The following PKD1 variants were observed in gnomAD, a reference collection of about 807,000 sequenced individuals.
PKD1 encodes polycystin-1.
In PKD1, 81 loss-of-function variants were observed where a neutral mutation model predicts 361.7. The observed-to-expected ratio is 0.22, with a 90% CI of 0.19 to 0.27. The LOEUF (loss-of-function observed/expected upper bound fraction) is 0.27, where lower values mean the gene tolerates loss of function less well. Among genes scored for constraint, PKD1 ranks in the 10% least tolerant of loss-of-function variants. PKD1 has a pLI of 1.00. For synonymous variants in PKD1, 3,615 were observed against 2,818.3 expected, an observed-to-expected ratio of 1.28 and a Z score of -8.95; for missense variants, 6,399 against 6,118.3, an observed-to-expected ratio of 1.05 and a Z score of -1.53.
At chr16:2,130,195 G>C (rs529835563) in intron 1 of PKD1, among the ~76,000 whole-genome samples, 1 of 152,338 alleles carries the variant, frequency 6.6e-6, no homozygotes, top group African/African-American at 2.4e-5. Context: ...CGTAAGACCC[G>C]GCTCAGGGAC....
chr16:2,095,622 G>A (rs1372894982), intron 34 of PKD1, among the ~76,000 whole-genome samples: 1 of 152,200 alleles, frequency 6.6e-6, no homozygotes, highest in Non-Finnish European at 1.5e-5. Flanking sequence ...GCTCTGCGTT[G>A]GGAAAGGAGC....
chr16:2,097,057 C>CCCCCAA, intron 34 of PKD1, 91 bp downstream of exon 34: 2 of 743,330 alleles, frequency 2.7e-6, no homozygotes, highest in Non-Finnish European at 4.6e-6. Flanking sequence ...CACCCCACCC[C>CCCCCAA]ACCCTACCCC....
In PKD1 at chr16:2,100,337, C is replaced by T. The variant is rs775809977; in HGVS notation, c.9569-28G>A. On this transcript the variant is annotated intron_variant, in intron 27 of 45. Coordinates refer to ENST00000262304, the MANE Select transcript of PKD1 (RefSeq NM_001009944.3). The surrounding 1 kb of genome is among the most constrained non-coding windows in gnomAD (Gnocchi z 4.4). ...GCAGAGGCGCAGGAGGGAGGTCAGG[C>T]TCGCAGGGCGCCCCAATGCGGGGGC... The T allele has an allele frequency of 5.0e-6, 8 of 1,610,394 alleles. No individual in the cohort carries two copies. The highest frequency in any genetic ancestry group is 1.3e-5 in the African/African-American group (1 of 74,716).
At position 2,093,049 on chromosome 16, in the gene PKD1, G is replaced by C. The variant is rs1412584667; in HGVS notation, c.11061C>G (p.Ala3687=). 1 of 1,612,858 alleles carries C rather than the reference G, an allele frequency of 6.2e-7. No individual in the cohort carries two copies. The highest frequency in any genetic ancestry group is 2.2e-5 in the East Asian group (1 of 44,884). Residue 3687 remains alanine (A), a synonymous_variant, in exon 38 of 46, where the codon GCC becomes GCG. Coordinates refer to ENST00000262304, the MANE Select transcript of PKD1 (RefSeq NM_001009944.3). Reference sequence around the variant, plus strand: ...CATGGCATGAGGCATCCCCATAGCTGGCCAGCAGGGTCACCAGCAGAAAAA... The same window carrying C: ...CATGGCATGAGGCATCCCCATAGCTCGCCAGCAGGGTCACCAGCAGAAAAA... ...YMLFLLVTLL[A]SYGDASCHGH...
chr16:2,112,725 G>C (rs1248331669), intron 13 of PKD1, 63 bp downstream of exon 13: 6 of 1,542,290 alleles, frequency 3.9e-6, no homozygotes, highest in Non-Finnish European at 4.4e-6. Flanking sequence ...GGGTCCCTCG[G>C]CTGAGGCTGG....
chr16:2,126,853 G>A (rs1387209403), intron 1 of PKD1, among the ~76,000 whole-genome samples: 1 of 152,198 alleles, frequency 6.6e-6, no homozygotes, highest in African/African-American at 2.4e-5. Context: ...GGGGAGCGAG[G>A]GCAGTGGCAG....
rs1450062463 is a variant in PKD1 at position 2,117,894 on chromosome 16, C to G, written c.1098G>C (p.Ser366=). The G allele has an allele frequency of 5.9e-6, 7 of 1,177,086 alleles. No individual in the cohort carries two copies. Among genetic ancestry groups the G allele is most frequent in the Non-Finnish European group, 8.5e-6 (7 of 820,802 alleles). The allele number at this position is 1,177,086 out of a possible 1,614,324, so 72.9% of individuals were successfully genotyped here. A position where few individuals can be genotyped will look rare whatever the true frequency, so the allele number is the denominator to read the frequency against. The change falls in exon 5 of 46, where the codon TCG becomes TCC. Residue 366 remains serine, a synonymous_variant. Coordinates refer to ENST00000262304, the MANE Select transcript of PKD1 (RefSeq NM_001009944.3). ...PAALELVCPS[S]VQSDESLDLS... ...GGTCGAGGCTCTCGTCACTCTGCAC[C>G]GAGGACGGGCACACGAGCTCCAGGG...
chr16:2,100,231 T>C lies in PKD1; in HGVS notation c.9647A>G (p.Asn3216Ser). The C allele has an allele frequency of 5.0e-6, 8 of 1,610,548 alleles. No homozygotes were observed. The highest frequency in any genetic ancestry group is 2.2e-5 in the South Asian group (2 of 90,988). ...CTCCGTCTCCACCGAAAGCCAGTCA[T>C]TGACCAGGAAGAAGGCGCTGCGTGC... The part of the protein sequence containing the change: ...QTARSAFFLV[N>S]DWLSVETEAN... Residue 3216 changes from asparagine (N) to serine (S), a missense_variant, in exon 28 of 46, where the codon AAT becomes AGT. Physicochemically the swap from Asn to Ser is conservative, Grantham distance 46. Coordinates refer to ENST00000262304, the MANE Select transcript of PKD1 (RefSeq NM_001009944.3). This position sits in a 1 kb window ranked among gnomAD's most constrained non-coding sequence, Gnocchi z 4.4.
rs548937250 is a variant in PKD1, at chr16:2,100,937, G to A, written c.9398-371C>T. 1.8e-4 allele frequency among the ~76,000 whole-genome samples: 28 copies of A among 152,168 alleles called. No homozygotes were observed. Among genetic ancestry groups the A allele is most frequent in the Non-Finnish European group, 5.9e-5 (4 of 68,018 alleles). ...TCAGTTCATGCACAGACTGCAAAGC[G>A]TGAAGCTGTGTCACCTCCTCTCCCA... On this transcript the variant is annotated intron_variant, in intron 26 of 45. Transcript: ENST00000262304. The surrounding 1 kb of genome is among the most constrained non-coding windows in gnomAD (Gnocchi z 4.4).
Position 2,090,106 on chromosome 16 carries a change from G to A in PKD1, c.12533C>T (p.Pro4178Leu), listed in dbSNP as rs764283057. 1.2e-6 allele frequency: 2 copies of A among 1,604,432 alleles called. No individual in the cohort carries two copies. Among genetic ancestry groups the A allele is most frequent in the Admixed American group, 3.3e-5 (2 of 59,824 alleles). The change falls in exon 46 of 46, where the codon CCC becomes CTC. Residue 4178 changes from proline (P) to leucine (L), a missense_variant. Coordinates refer to ENST00000262304, the MANE Select transcript of PKD1 (RefSeq NM_001009944.3). The stretch of plus-strand genomic sequence containing the variant: ...GTGCGAGGCATCGGAGCCAGCGCTG[G>A]GTGGGGGCACATCCGGGGATACCTT... The part of the protein sequence containing the change: ...GSKVSPDVPP[P>L]SAGSDASHPS...
chr16:2,106,056 C>T lies in PKD1; in HGVS notation c.7704-32G>A, dbSNP rs767042053. ...GCAGAGGGGGGTGGTGAGCAGGTGG[C>T]AGTCTCGGGGGCGCCCTCCCACGGC... is the stretch of plus-strand genomic sequence containing the variant. On this transcript the variant is annotated intron_variant, in intron 19 of 45. Coordinates refer to ENST00000262304, the MANE Select transcript of PKD1 (RefSeq NM_001009944.3). This position sits in a 1 kb window ranked among gnomAD's most constrained non-coding sequence, Gnocchi z 6.5. 6.2e-7 allele frequency: 1 copy of T among 1,606,654 alleles called. No individual in the cohort carries two copies. Among genetic ancestry groups the T allele is most frequent in the Non-Finnish European group, 8.5e-7 (1 of 1,178,066 alleles).
Position 2,118,956 on chromosome 16 carries a change from C to G in PKD1, c.360-111G>C. ...ACCCTGACAGCACCGCCTCCCCTGC[C>G]CCAACCAAGCCGGCACTGGGGGGCT... On this transcript the variant is annotated intron_variant, in intron 3 of 45. Coordinates refer to ENST00000262304, the MANE Select transcript of PKD1 (RefSeq NM_001009944.3). This position sits in a 1 kb window ranked among gnomAD's most constrained non-coding sequence, Gnocchi z 6.0. 1 of 767,114 alleles carries G rather than the reference C, an allele frequency of 1.3e-6. No homozygotes were observed. Among genetic ancestry groups the G allele is most frequent in the Non-Finnish European group, 2.2e-6 (1 of 457,996 alleles). The allele number at this position is 767,114 out of a possible 1,614,324, so 47.5% of individuals were successfully genotyped here.
chr16:2,134,683 C>T (rs1282626495), intron 1 of PKD1, among the ~76,000 whole-genome samples: 2 of 150,236 alleles, frequency 1.3e-5, no homozygotes, highest in South Asian at 2.1e-4. Flanking sequence ...CAAATCTCCA[C>T]GGTCCCTATG....
At chr16:2,093,162 G>T in intron 37 of PKD1, 69 bp from the exon 38 acceptor site, 1 of 1,579,362 alleles carries the variant, frequency 6.3e-7, no homozygotes. Context: ...TTTGGCAACG[G>T]CTGGAGCCAT....
rs940840665 is a variant in PKD1, at chr16:2,118,611, G to A, written c.529+65C>T. The A allele has an allele frequency of 2.5e-6, 2 of 813,390 alleles. No homozygotes were observed. The highest frequency in any genetic ancestry group is 4.0e-5 in the Admixed American group (2 of 50,060). The allele number at this position is 813,390 out of a possible 1,614,324, so 50.4% of individuals were successfully genotyped here. A position where few individuals can be genotyped will look rare whatever the true frequency, so the allele number is the denominator to read the frequency against. ...GAGGCCTTCCTGAGCCCTGCCCAGTGTCTGCAGGGCCCAGGTCCCACCTGG... is the reference window on the plus strand; with the variant it reads ...GAGGCCTTCCTGAGCCCTGCCCAGTATCTGCAGGGCCCAGGTCCCACCTGG... On this transcript the variant is annotated intron_variant, in intron 4 of 45. Transcript: ENST00000262304. The surrounding 1 kb of genome is among the most constrained non-coding windows in gnomAD (Gnocchi z 6.0).
chr16:2,103,338 C>T lies in PKD1; in HGVS notation c.8719G>A (p.Ala2907Thr). ...VVVQPQASVG[A>T]VVTLDSSNPA... Reference sequence around the variant, plus strand: ...TTGCTGCTGTCCAGGGTGACCACAGCACCGACGGAGGCCTGGGGCTGGACC... The same window carrying T: ...TTGCTGCTGTCCAGGGTGACCACAGTACCGACGGAGGCCTGGGGCTGGACC... Residue 2907 changes from alanine (A) to threonine (T), a missense_variant, in exon 23 of 46, where the codon GCT (alanine) becomes ACT (threonine). By Grantham distance (58) the Ala-to-Thr change is moderately conservative. Transcript: ENST00000262304. 6.2e-7 allele frequency: 1 copy of T among 1,606,452 alleles called. No homozygotes were observed. The highest frequency in any genetic ancestry group is 1.1e-5 in the South Asian group (1 of 90,976).
Position 2,103,737 on chromosome 16 carries a change from G to C in PKD1, c.8320C>G (p.Leu2774Val). Reference sequence around the variant, plus strand: ...ACGATCTCCTCGCCCGCCAGCGTCAGGGGCTCCTCGTTGAGCACGCGGGAG... The same window carrying C: ...ACGATCTCCTCGCCCGCCAGCGTCACGGGCTCCTCGTTGAGCACGCGGGAG... ...MRSRVLNEEP[L>V]TLAGEEIVAQ... Residue 2774 changes from leucine to valine, a missense_variant, in exon 23 of 46, where the codon CTG becomes GTG. Transcript: ENST00000262304. The C allele has an allele frequency of 2.5e-6, 4 of 1,610,042 alleles. No individual in the cohort carries two copies. The highest frequency in any genetic ancestry group is 3.4e-6 in the Non-Finnish European group (4 of 1,179,620).
Position 2,126,753 on chromosome 16 carries a change from G to T in PKD1, c.216-7375C>A, listed in dbSNP as rs555458564. Among the ~76,000 whole-genome samples the T allele has an allele frequency of 2.4e-4, 36 of 152,374 alleles. No homozygotes were observed. In the South Asian group the frequency reaches 7.4e-3, roughly 32 times the overall value. On this transcript the variant is annotated intron_variant, in intron 1 of 45. Coordinates refer to ENST00000262304, the MANE Select transcript of PKD1 (RefSeq NM_001009944.3). ...ACTGCAGAGCTCCAGAAAAGAACATGTGTGTCTCCCTCCAAAGTATATTCC... is the reference window on the plus strand; with the variant it reads ...ACTGCAGAGCTCCAGAAAAGAACATTTGTGTCTCCCTCCAAAGTATATTCC...
intron 1 of PKD1, among the ~76,000 whole-genome samples, chr16:2,127,522 T>C (rs2092814369): frequency 6.6e-6 from 1 of 152,178 alleles, no homozygotes; most frequent in East Asian, 1.9e-4. Context: ...AGGCACAGTG[T>C]CTGGCTCTCA....
Sources: allele counts gnomAD v4.1 joint callset (sites outside exome capture counted in the v4.1 genomes callset), GRCh38; gene constraint gnomAD v4.1.1; non-coding constraint Gnocchi (gnomAD v3.1); transcripts MANE v1.5; gene names NCBI Gene and HGNC (gene_info 2026-07-23, HGNC 2026-07-21).